MPDZ: variants seen among roughly 807,000 people sequenced by gnomAD.
The protein encoded by MPDZ is multiple PDZ domain crumbs cell polarity complex component.
In MPDZ, 234 loss-of-function variants were observed where a neutral mutation model predicts 239.1. That is an observed-to-expected ratio of 0.98 (90% confidence interval 0.88 to 1.09). The LOEUF (loss-of-function observed/expected upper bound fraction) is 1.09, where lower values mean the gene tolerates loss of function less well. Among genes scored for constraint, MPDZ ranks in the 50% least tolerant of loss-of-function variants. The pLI is 0.00. For missense variants in MPDZ, 3,175 were observed against 2,510.0 expected (o/e 1.26, Z -5.66); for synonymous variants, 1,048 against 881.3 (o/e 1.19, Z -3.35).
At chr9:13,250,196 T>C (rs1564131102) in intron 2 of MPDZ, 104 bp downstream of exon 2, 4 of 1,068,210 alleles carry the variant, frequency 3.7e-6, no homozygotes, top group African/African-American at 1.6e-5. Flanking sequence ...TAAATCTAGA[T>C]ACCATAGACA....
In MPDZ at chr9:13,139,902, T is replaced by C. The variant is rs755032610; in HGVS notation, c.4003+85A>G. Reference sequence around the variant, plus strand: ...ATATATCACAAAGCTGCAACATACTTACTTATCCAGGGCGAAATCCTTGAG... The same window carrying C: ...ATATATCACAAAGCTGCAACATACTCACTTATCCAGGGCGAAATCCTTGAG... On this transcript the variant is annotated intron_variant, in intron 28 of 46. Coordinates refer to ENST00000319217, the MANE Select transcript of MPDZ (RefSeq NM_001378778.1). The C allele has an allele frequency of 8.6e-6, 13 of 1,505,014 alleles. No individual in the cohort carries two copies. The African/African-American group carries it at 1.4e-4, about 16-fold the overall frequency. 93.2% of individuals were successfully genotyped at this position (1,505,014 alleles called of 1,614,324 possible). A position where few individuals can be genotyped will look rare whatever the true frequency, so the allele number is the denominator to read the frequency against.
At chr9:13,139,918 A>C (rs960374722) in intron 28 of MPDZ, 69 bp downstream of exon 28, 1 of 1,586,064 alleles carries the variant, frequency 6.3e-7, no homozygotes, top group Non-Finnish European at 8.7e-7. Context: ...TCCAGGGCGA[A>C]ATCCTTGAGA....
At chr9:13,137,117 C>T (rs534777183) in intron 29 of MPDZ, among the ~76,000 whole-genome samples, 1 of 152,172 alleles carries the variant, frequency 6.6e-6, no homozygotes, top group Admixed American at 6.5e-5. Context: ...TCCCAGCATG[C>T]TCTGCACAAA....
chr9:13,185,145 G>A (rs998873221), intron 18 of MPDZ, among the ~76,000 whole-genome samples: 11 of 151,982 alleles, frequency 7.2e-5, no homozygotes, highest in African/African-American at 2.4e-4. Flanking sequence ...GTTTTGAAGT[G>A]CTAACATAAT....
intron 15 of MPDZ, among the ~76,000 whole-genome samples, chr9:13,191,875 T>C (rs966109978): frequency 2.6e-5 from 4 of 152,106 alleles, no homozygotes; most frequent in Admixed American, 6.6e-5. Context: ...GGGCAACTTT[T>C]TGAGACAAGC....
At chr9:13,201,364 TA>T (rs1462810431) in intron 12 of MPDZ, among the ~76,000 whole-genome samples, 4 of 151,356 alleles carry the variant, frequency 2.6e-5, no homozygotes, top group African/African-American at 4.8e-5. Flanking sequence ...TTTTTTTTTT[TA>T]TTTTGCTAGT....
intron 8 of MPDZ, among the ~76,000 whole-genome samples, chr9:13,218,397 G>A (rs1055726709): frequency 6.6e-6 from 1 of 151,822 alleles, no homozygotes; most frequent in African/African-American, 2.4e-5. Context: ...ATGATGATAT[G>A]CACAGAACAG....
intron 1 of MPDZ, among the ~76,000 whole-genome samples, chr9:13,256,611 C>G (rs370938686): frequency 6.6e-6 from 1 of 152,110 alleles, no homozygotes; most frequent in African/African-American, 2.4e-5. Flanking sequence ...AAAAAGAATG[C>G]GAACGGCCCG....
At chr9:13,211,292 G>T (rs1017872749) in intron 10 of MPDZ, among the ~76,000 whole-genome samples, 41 of 151,804 alleles carry the variant, frequency 2.7e-4, no homozygotes, top group African/African-American at 9.4e-4. Context: ...AAATTAAAAG[G>T]GGCAGTTGAT....
chr9:13,200,957 T>G (rs916837020), intron 12 of MPDZ, among the ~76,000 whole-genome samples: 2 of 152,010 alleles, frequency 1.3e-5, no homozygotes, highest in Non-Finnish European at 2.9e-5. Context: ...TCACTGATGT[T>G]TTACTGTTGA....
chr9:13,110,578 AG>A, intron 44 of MPDZ, 57 bp downstream of exon 44: 1 of 1,183,848 alleles, frequency 8.4e-7, no homozygotes, highest in South Asian at 1.3e-5. Context: ...TTAACATCAA[AG>A]CTCATGTGTC....
At chr9:13,252,342 C>T (rs1394773807) in intron 1 of MPDZ, among the ~76,000 whole-genome samples, 3 of 150,364 alleles carry the variant, frequency 2.0e-5, no homozygotes, top group Admixed American at 6.6e-5. Flanking sequence ...CCGAGGTGGG[C>T]GGATCACGAG....
chr9:13,131,380 C>A (rs896080865), intron 32 of MPDZ, among the ~76,000 whole-genome samples: 2 of 152,124 alleles, frequency 1.3e-5, no homozygotes, highest in African/African-American at 2.4e-5. Context: ...TGTATAAATT[C>A]TTTCATTTAA....
Position 13,150,653 on chromosome 9 carries a change from C to A in MPDZ, c.3488G>T (p.Gly1163Val). 1 of 1,467,116 alleles carries A rather than the reference C, an allele frequency of 6.8e-7. No individual in the cohort carries two copies. Among genetic ancestry groups the A allele is most frequent in the South Asian group, 1.6e-5 (1 of 60,684 alleles). 90.9% of individuals were successfully genotyped at this position (1,467,116 alleles called of 1,614,324 possible). A position where few individuals can be genotyped will look rare whatever the true frequency, so the allele number is the denominator to read the frequency against. Residue 1163 changes from glycine to valine, a missense_variant, in exon 25 of 47, where the codon GGC becomes GTC. Physicochemically the swap from Gly to Val is moderately radical, Grantham distance 109. Coordinates refer to ENST00000319217, the MANE Select transcript of MPDZ (RefSeq NM_001378778.1). ...CCCTCGTCCACCAACAATGCTGATG[C>A]CTAAGGATTTGCTTGGTTCTCTCCA... ...ELWREPSKSLGISIVGGRGMG... is the reference protein window; with the variant it reads ...ELWREPSKSLVISIVGGRGMG...
intron 1 of MPDZ, among the ~76,000 whole-genome samples, chr9:13,264,204 T>C (rs1971305570): frequency 6.6e-6 from 1 of 151,998 alleles, no homozygotes; most frequent in African/African-American, 2.4e-5. Context: ...CTTTTGAAAG[T>C]TATTTTTATT....
At chr9:13,153,572 A>G (rs1949465831) in intron 24 of MPDZ, among the ~76,000 whole-genome samples, 1 of 152,040 alleles carries the variant, frequency 6.6e-6, no homozygotes, top group African/African-American at 2.4e-5. Context: ...TCCTAAGCTC[A>G]AGTAATCTTC....
chr9:13,190,482 G>A (rs910056350), intron 15 of MPDZ, among the ~76,000 whole-genome samples, 183 bp from the exon 16 acceptor site: 2 of 152,144 alleles, frequency 1.3e-5, no homozygotes, highest in Non-Finnish European at 2.9e-5. Context: ...TTGTTAAGAA[G>A]GAAGAAATAC....
chr9:13,119,743 CTTGT>C (rs2131528386), intron 38 of MPDZ, 94 bp from the exon 39 acceptor site: 2 of 1,480,738 alleles, frequency 1.4e-6, no homozygotes, highest in Non-Finnish European at 1.9e-6. Context: ...AAAATTTTTA[CTTGT>C]TTTTATGACT....
At chr9:13,271,814 A>G (rs542974634) in intron 1 of MPDZ, among the ~76,000 whole-genome samples, 1 of 152,326 alleles carries the variant, frequency 6.6e-6, no homozygotes, top group African/African-American at 2.4e-5. Flanking sequence ...CTCAGCAATG[A>G]CCAGTACTGA....
Sources: allele counts gnomAD v4.1 joint callset (sites outside exome capture counted in the v4.1 genomes callset), GRCh38; gene constraint gnomAD v4.1.1; transcripts MANE v1.5; gene names NCBI Gene and HGNC (gene_info 2026-07-23, HGNC 2026-07-21).